The following HNRNPR variants were observed in gnomAD, a reference collection of about 807,000 sequenced individuals.
HNRNPR encodes heterogeneous nuclear ribonucleoprotein R.
In HNRNPR, 4 loss-of-function variants were observed where a neutral mutation model predicts 70.3. The observed-to-expected ratio is 0.06, with a 90% confidence interval of 0.03 to 0.13. The LOEUF (loss-of-function observed/expected upper bound fraction) is 0.13. Among genes scored for constraint, HNRNPR ranks in the 10% least tolerant of loss-of-function variants. HNRNPR has a pLI of 1.00. For missense variants in HNRNPR, 423 were observed against 788.5 expected, an observed-to-expected ratio of 0.54 and a Z score of 5.55; for synonymous variants, 241 against 267.6, an observed-to-expected ratio of 0.90 and a Z score of 0.97.
intron 5 of HNRNPR, 125 bp from the exon 6 acceptor site, chr1:23,323,857 T>A: frequency 1.3e-6 from 1 of 748,516 alleles, no homozygotes; most frequent in Non-Finnish European, 2.3e-6. Flanking sequence ...GGAAACAATC[T>A]GAAACTTACA....
At chr1:23,317,153 C>T (rs1242904943) in intron 8 of HNRNPR, among the ~76,000 whole-genome samples, 1 of 152,094 alleles carries the variant, frequency 6.6e-6, no homozygotes, top group Non-Finnish European at 1.5e-5. Context: ...GAGCTCATTG[C>T]AAGCAGCAGA....
At chr1:23,314,520 T>C (rs184376522) in intron 8 of HNRNPR, among the ~76,000 whole-genome samples, 26 of 152,190 alleles carry the variant, frequency 1.7e-4, no homozygotes, top group African/African-American at 5.5e-4. Context: ...AACAACTGAA[T>C]AGAAAAATAG....
chr1:23,333,724 C>A, intron 4 of HNRNPR, 93 bp from the exon 5 acceptor site: 1 of 652,970 alleles, frequency 1.5e-6, no homozygotes, highest in Non-Finnish European at 2.7e-6. Context: ...ACTCCAACTT[C>A]CTAGGAGATA....
intron 6 of HNRNPR, among the ~76,000 whole-genome samples, chr1:23,322,099 C>CA (rs916293966): frequency 6.6e-5 from 10 of 152,096 alleles, no homozygotes; most frequent in Non-Finnish European, 1.3e-4. Flanking sequence ...AGAAAAATTT[C>CA]AAATTCTACA....
At position 23,338,033 on chromosome 1, in the gene HNRNPR, G is replaced by T. The variant is rs535733383; in HGVS notation, c.277-172C>A. The T allele has an allele frequency of 1.9e-5, 11 of 575,468 alleles. No homozygotes were observed. The South Asian group carries it at 2.4e-4, about 13-fold the overall frequency. The allele number at this position is 575,468 out of a possible 1,614,324, so 35.6% of individuals were successfully genotyped here. On this transcript the variant is annotated intron_variant, in intron 3 of 10. Coordinates refer to ENST00000302271, the MANE Select transcript of HNRNPR (RefSeq NM_005826.5). ...GTGCCAGAGATTGGAGCAGACAGCA[G>T]TAAGGCAGTATAGACCTCAGGGAGC... is the stretch of plus-strand genomic sequence containing the variant.
chr1:23,329,403 T>C (rs1300401075), intron 5 of HNRNPR, among the ~76,000 whole-genome samples: 1 of 152,234 alleles, frequency 6.6e-6, no homozygotes, highest in Non-Finnish European at 1.5e-5. Flanking sequence ...TTTTATTAAC[T>C]TTTTAGTCTC....
intron 5 of HNRNPR, among the ~76,000 whole-genome samples, chr1:23,326,171 G>A (rs71638879): frequency 1.3e-5 from 2 of 151,596 alleles, no homozygotes; most frequent in African/African-American, 2.4e-5. Flanking sequence ...CACTGCGCCC[G>A]GCCTGTTTTG....
intron 5 of HNRNPR, among the ~76,000 whole-genome samples, chr1:23,324,624 GCTT>G (rs1645891587): frequency 1.3e-5 from 2 of 151,932 alleles, no homozygotes; most frequent in South Asian, 4.2e-4. Flanking sequence ...AAACTCCAGT[GCTT>G]CAATCTATTC....
At chr1:23,321,464 T>C in intron 7 of HNRNPR, 64 bp downstream of exon 7, 1 of 1,385,382 alleles carries the variant, frequency 7.2e-7, no homozygotes, top group Middle Eastern at 1.9e-4. Flanking sequence ...TCAGTTTTTT[T>C]GAGCACTTGT....
At chr1:23,340,250 C>G (rs567708165) in intron 2 of HNRNPR, among the ~76,000 whole-genome samples, 2 of 151,636 alleles carry the variant, frequency 1.3e-5, no homozygotes, top group Non-Finnish European at 2.9e-5. Context: ...AAACCACTTA[C>G]AACCAACTAT....
Position 23,333,542 on chromosome 1 carries a change from G to A in HNRNPR, c.474C>T (p.Gly158=), listed in dbSNP as rs773295329. 3.2e-5 allele frequency: 52 copies of A among 1,610,924 alleles called. No individual in the cohort carries two copies. Among genetic ancestry groups the A allele is most frequent in the East Asian group, 2.7e-4 (12 of 44,870 alleles). ...CCTCCGTTCCAATTCCAGGTTGCAC[G>A]CCAGAGTACACACTGTCTGGTGGAG... The part of the protein sequence containing the change: ...GGPPPDSVYS[G]VQPGIGTEVF... The change falls in exon 5 of 11, where the codon GGC becomes GGT. Residue 158 remains glycine (G), a synonymous_variant. Transcript: ENST00000302271.
At chr1:23,328,459 T>C (rs958040670) in intron 5 of HNRNPR, among the ~76,000 whole-genome samples, 2 of 152,180 alleles carry the variant, frequency 1.3e-5, no homozygotes, top group African/African-American at 4.8e-5. Flanking sequence ...GATTCAAATC[T>C]ACATTTTAGT....
Position 23,306,387 on chromosome 1 carries a change from A to C in HNRNPR, c.*4067T>G, listed in dbSNP as rs1645202615. 6.6e-6 allele frequency: 1 copy of C among 152,108 alleles called. No homozygotes were observed. The highest frequency in any genetic ancestry group is 2.1e-4 in the South Asian group (1 of 4,830). 9.4% of individuals were successfully genotyped at this position (152,108 alleles called of 1,614,324 possible). A position where few individuals can be genotyped will look rare whatever the true frequency, so the allele number is the denominator to read the frequency against. On this transcript the variant is annotated 3_prime_UTR_variant, in exon 11 of 11. Transcript: ENST00000302271. ...TTAATGCCCCACTACTGATAAAAAA[A>C]AAAATAGGAAAAAAAAGTTCTTACC...
rs777561264 is a variant in HNRNPR, at chr1:23,311,213, G to C, written c.1277C>G (p.Ser426Cys). 5 of 1,613,680 alleles carry C rather than the reference G, an allele frequency of 3.1e-6. No homozygotes were observed. The highest frequency in any genetic ancestry group is 4.2e-6 in the Non-Finnish European group (5 of 1,180,002). The change falls in exon 10 of 11, where the codon TCC (serine) becomes TGC (cysteine). Residue 426 changes from serine to cysteine, a missense_variant. By Grantham distance (112) the Ser-to-Cys change is moderately radical. Coordinates refer to ENST00000302271, the MANE Select transcript of HNRNPR (RefSeq NM_005826.5). ...AATGTAGACTCACGCAGTGCTTCTG[G>C]AGGCCTGTCTAGCAGCTTGGCGCTC... ...RKERQAARQA[S>C]RSTAYEDYYY...
At position 23,310,961 on chromosome 1, in the gene HNRNPR, G is replaced by A. The variant is rs202066167; in HGVS notation, c.1395C>T (p.Tyr465=). ...RGGYGYPPDY[Y]GYEDYYDDYY... ...AATCATCATAGTAATCTTCATAGCC[G>A]TAGTAATCTGGAGGGTAGCCATATC... is the stretch of plus-strand genomic sequence containing the variant. The change falls in exon 11 of 11, where the codon TAC becomes TAT. Residue 465 remains tyrosine, a synonymous_variant. Transcript: ENST00000302271. This position sits in a 1 kb window ranked among gnomAD's most constrained non-coding sequence, Gnocchi z 6.0. 1.8e-4 allele frequency: 289 copies of A among 1,614,064 alleles called. 1 individual carries two copies. Among genetic ancestry groups the A allele is most frequent in the East Asian group, 8.9e-5 (4 of 44,888 alleles).
At chr1:23,335,553 A>G (rs1646437702) in intron 4 of HNRNPR, among the ~76,000 whole-genome samples, 1 of 152,224 alleles carries the variant, frequency 6.6e-6, no homozygotes, top group African/African-American at 2.4e-5. Context: ...CTGTCAGATC[A>G]GCAGCCGCAT....
intron 1 of HNRNPR, among the ~76,000 whole-genome samples, chr1:23,342,498 GATGA>G (rs545086535): frequency 5.9e-5 from 9 of 152,286 alleles, no homozygotes; most frequent in African/African-American, 1.9e-4. Flanking sequence ...TTCAAATTCT[GATGA>G]ACTAGCAAAA....
At chr1:23,342,172 A>G (rs1646727351) in intron 1 of HNRNPR, among the ~76,000 whole-genome samples, 1 of 152,232 alleles carries the variant, frequency 6.6e-6, no homozygotes, top group Admixed American at 6.5e-5. Context: ...ACAAAGTACT[A>G]AGACACATAA....
In HNRNPR at chr1:23,313,651, A is replaced by G. The variant is rs1293063791; in HGVS notation, c.1069T>C (p.Leu357=). ...NLATTVTEEI[L]EKSFSEFGKL... is the part of the protein sequence containing the mutation. The stretch of plus-strand genomic sequence containing the variant: ...CCAAATTCAGAAAATGACTTTTCCA[A>G]TATTTCTTCTGTCACCGTAGTAGCC... The change falls in exon 9 of 11, where the codon TTG becomes CTG. Residue 357 remains leucine, a synonymous_variant. Coordinates refer to ENST00000302271, the MANE Select transcript of HNRNPR (RefSeq NM_005826.5). 3.7e-6 allele frequency: 6 copies of G among 1,606,328 alleles called. No homozygotes were observed. The African/African-American group carries it at 4.0e-5, about 11-fold the overall frequency.
Sources: allele counts gnomAD v4.1 joint callset (sites outside exome capture counted in the v4.1 genomes callset), GRCh38; gene constraint gnomAD v4.1.1; non-coding constraint Gnocchi (gnomAD v3.1); transcripts MANE v1.5; gene names NCBI Gene and HGNC (gene_info 2026-07-23, HGNC 2026-07-21).